TTLL7: variants seen among roughly 807,000 people sequenced by gnomAD.
TTLL7 encodes tubulin polyglutamylase TTLL7.
A neutral mutation model predicts 120.2 loss-of-function variants in TTLL7; 53 were observed. The ratio of observed to expected loss-of-function variants is 0.44; its 90% CI spans 0.35 to 0.55. The LOEUF is 0.55. Ranked by LOEUF, TTLL7 falls within the 20% of genes least tolerant of loss-of-function variation. TTLL7 has a pLI of 0.00. For synonymous variants in TTLL7, 353 were observed against 351.7 expected (o/e 1.00, Z -0.04); for missense variants, 803 against 1,054.7 (o/e 0.76, Z 3.31).
At position 83,947,188 on chromosome 1, in the gene TTLL7, A is replaced by G. The variant is rs1459121224; in HGVS notation, c.442T>C (p.Leu148=). ...YTQFQNYVKE[L]KKKRKQKTFI... ...GTTTTCTGCTTCCGTTTTTTCTTCA[A>G]TTCTTTCACATAATTTTGGAATTGA... The change falls in exon 6 of 21, where the codon TTG becomes CTG. Residue 148 remains leucine (L), a synonymous_variant. Coordinates refer to ENST00000260505, the MANE Select transcript of TTLL7 (RefSeq NM_024686.6). 6.2e-7 allele frequency: 1 copy of G among 1,612,982 alleles called. No homozygotes were observed. Among genetic ancestry groups the G allele is most frequent in the Admixed American group, 1.7e-5 (1 of 59,892 alleles).
intron 10 of TTLL7, among the ~76,000 whole-genome samples, chr1:83,927,811 T>C (rs1659259631): frequency 1.3e-5 from 2 of 152,144 alleles, no homozygotes; most frequent in African/African-American, 4.8e-5. Flanking sequence ...GACAAGAATT[T>C]TCCCAGTGTT....
intron 5 of TTLL7, 141 bp from the exon 6 acceptor site, chr1:83,947,423 A>G (rs891262522): frequency 8.3e-6 from 6 of 723,980 alleles, no homozygotes; most frequent in Non-Finnish European, 1.1e-5. Context: ...CATTCATTCA[A>G]CAAATGTCTA....
chr1:83,871,350 C>T (rs1385352508), intron 20 of TTLL7, among the ~76,000 whole-genome samples: 1 of 152,124 alleles, frequency 6.6e-6, no homozygotes, highest in Non-Finnish European at 1.5e-5. Context: ...TCTTGACTAG[C>T]ATTAGGCCAG....
rs942550685 is a variant in TTLL7, at chr1:83,918,364, G to C, written c.1501-674C>G. Among the ~76,000 whole-genome samples, 5 of 152,128 alleles carry C rather than the reference G, an allele frequency of 3.3e-5. No individual in the cohort carries two copies. In the South Asian group the frequency reaches 6.2e-4, roughly 19 times the overall value. On this transcript the variant is annotated intron_variant, in intron 13 of 20. Coordinates refer to ENST00000260505, the MANE Select transcript of TTLL7 (RefSeq NM_024686.6). ...ATATACCCCAGTGGATATTAGGCAA[G>C]CCAGGACAATACGAGTATAATAGCT...
chr1:83,933,179 A>G (rs532531786), intron 9 of TTLL7, among the ~76,000 whole-genome samples: 2 of 152,212 alleles, frequency 1.3e-5, no homozygotes, highest in South Asian at 4.2e-4. Flanking sequence ...AATACTGATT[A>G]ATGAACCAAT....
intron 10 of TTLL7, among the ~76,000 whole-genome samples, chr1:83,927,833 C>T (rs369697784): frequency 2.1e-4 from 32 of 152,112 alleles, no homozygotes; most frequent in African/African-American, 7.2e-4. Context: ...TTAGTTCCTG[C>T]TTAAGATACT....
intron 1 of TTLL7, among the ~76,000 whole-genome samples, chr1:83,982,844 A>G (rs1652094447): frequency 6.6e-6 from 1 of 152,234 alleles, no homozygotes; most frequent in Non-Finnish European, 1.5e-5. Context: ...CTGATAGCCC[A>G]AACAATCCTA....
rs1656641643 is a variant in TTLL7, at chr1:83,900,650, G to A, written c.2208+3429C>T. On this transcript the variant is annotated intron_variant, in intron 18 of 20. Transcript: ENST00000260505. ...CATTACTTCACAAGCCCTTTCCATG[G>A]AGATGCCTTATCACTGTGATGAATG... 2.0e-5 allele frequency among the ~76,000 whole-genome samples: 3 copies of A among 152,026 alleles called. No homozygotes were observed. In the South Asian group the frequency reaches 6.2e-4, roughly 32 times the overall value.
In TTLL7 at chr1:83,977,840, G is replaced by A. The variant is rs201315354; in HGVS notation, c.-177+21091C>T. Among the ~76,000 whole-genome samples, 5 of 152,246 alleles carry A rather than the reference G, an allele frequency of 3.3e-5. No individual in the cohort carries two copies. In the East Asian group the frequency reaches 9.7e-4, roughly 29 times the overall value. ...AAGTCATATTGTGACTGCAAGATCCGACAATGTAGGTATGGTTTTAGAATA... is the reference window on the plus strand; with the variant it reads ...AAGTCATATTGTGACTGCAAGATCCAACAATGTAGGTATGGTTTTAGAATA... On this transcript the variant is annotated intron_variant, in intron 1 of 20. Coordinates refer to ENST00000260505, the MANE Select transcript of TTLL7 (RefSeq NM_024686.6).
Position 83,911,253 on chromosome 1 carries a change from T to A in TTLL7, c.1698A>T (p.Glu566Asp). 1 of 1,613,582 alleles carries A rather than the reference T, an allele frequency of 6.2e-7. No homozygotes were observed. ...SSSSSESDEN[E>D]KEEYQNKKRE... ...TTTTCTTATTTTGGTACTCTTCTTT[T>A]TCATTTTCGTCAGATTCTGAAGAGC... The change falls in exon 15 of 21, where the codon GAA becomes GAT. Residue 566 changes from glutamate (E) to aspartate (D), a missense_variant. This residue lies in a region of TTLL7 where 388 missense variants were observed against 450.4 expected (regional missense o/e 0.86). Coordinates refer to ENST00000260505, the MANE Select transcript of TTLL7 (RefSeq NM_024686.6).
intron 20 of TTLL7, among the ~76,000 whole-genome samples, chr1:83,879,515 C>T (rs72722887): frequency 0.023 from 3,523 of 152,038 alleles, 66 homozygotes; most frequent in Non-Finnish European, 0.035. Context: ...GGGCTAGTGA[C>T]ATGGAAGGTT....
At chr1:83,902,870 CAACAGA>C (rs1656839953) in intron 18 of TTLL7, among the ~76,000 whole-genome samples, 1 of 151,762 alleles carries the variant, frequency 6.6e-6, no homozygotes, top group Non-Finnish European at 1.5e-5. Context: ...TAAAATGAAA[CAACAGA>C]AACAGCAAAA....
chr1:83,885,442 G>A (rs1027069245), intron 19 of TTLL7, among the ~76,000 whole-genome samples: 1 of 151,952 alleles, frequency 6.6e-6, no homozygotes, highest in Non-Finnish European at 1.5e-5. Flanking sequence ...CTAATCTGAT[G>A]TAACTTCTTG....
At chr1:83,996,581 C>T (rs561234203) in intron 1 of TTLL7, among the ~76,000 whole-genome samples, 1 of 152,250 alleles carries the variant, frequency 6.6e-6, no homozygotes, top group South Asian at 2.1e-4. Flanking sequence ...CTTAAGGTAC[C>T]GCTATAGCAG....
At chr1:83,892,681 AACATATAT>A (rs1310606315) in intron 18 of TTLL7, among the ~76,000 whole-genome samples, 90 of 129,754 alleles carry the variant, frequency 6.9e-4, no homozygotes, top group South Asian at 9.8e-4. Context: ...TGAACATATG[AACATATAT>A]ATGAACATAT....
At chr1:83,975,999 C>A (rs916775033) in intron 1 of TTLL7, among the ~76,000 whole-genome samples, 2 of 150,838 alleles carry the variant, frequency 1.3e-5, no homozygotes, top group Non-Finnish European at 3.0e-5. Context: ...AATGTATTAA[C>A]TCTAAGTACT....
chr1:83,894,463 G>T (rs780638552), intron 18 of TTLL7, among the ~76,000 whole-genome samples: 9 of 152,110 alleles, frequency 5.9e-5, no homozygotes, highest in Non-Finnish European at 1.2e-4. Flanking sequence ...CAACTAACAT[G>T]TATCATCCGC....
chr1:83,958,809 T>C (rs1030487351), intron 1 of TTLL7, among the ~76,000 whole-genome samples: 1 of 152,192 alleles, frequency 6.6e-6, no homozygotes, highest in African/African-American at 2.4e-5. Context: ...TCTTAAATTG[T>C]AATGTGCACA....
At chr1:83,955,914 T>C (rs1025830239) in intron 1 of TTLL7, among the ~76,000 whole-genome samples, 4 of 152,092 alleles carry the variant, frequency 2.6e-5, no homozygotes, top group African/African-American at 7.2e-5. Flanking sequence ...GAAGGAATGA[T>C]AGCTTGAGCT....
Sources: gnomAD v4.1 joint callset for allele counts (sites outside exome capture counted in the v4.1 genomes callset) on GRCh38, gnomAD v4.1.1 for gene constraint, gnomAD v4.1.1 regional missense constraint, MANE v1.5 for transcripts, NCBI Gene and HGNC (gene_info 2026-07-23, HGNC 2026-07-21) for gene names.